RAB6A: variants seen among roughly 807,000 people sequenced by gnomAD.
RAB6A encodes ras-related protein Rab-6A.
In RAB6A, 8 loss-of-function variants were observed where a neutral mutation model predicts 32.3. That is an observed-to-expected ratio of 0.25 (90% CI 0.15 to 0.45). The LOEUF (loss-of-function observed/expected upper bound fraction) is 0.45, where lower values mean the gene tolerates loss of function less well. Among genes scored for constraint, RAB6A ranks in the 20% least tolerant of loss-of-function variants. RAB6A has a pLI of 1.00. For synonymous variants in RAB6A, 73 were observed against 82.1 expected, an observed-to-expected ratio of 0.89 and a Z score of 0.60; for missense variants, 104 against 249.4, an observed-to-expected ratio of 0.42 and a Z score of 3.93.
At chr11:73,717,455 T>C (rs1946068653) in intron 4 of RAB6A, among the ~76,000 whole-genome samples, 1 of 152,206 alleles carries the variant, frequency 6.6e-6, no homozygotes, top group South Asian at 2.1e-4. Context: ...TTGTTGTTGT[T>C]GTAGTTGAGA....
rs1945319899 is a variant in RAB6A, at chr11:73,679,513, G to GTAT, written c.562+140_562+141insATA. 5.2e-6 allele frequency: 5 copies of GTAT among 962,590 alleles called. No individual in the cohort carries two copies. In the South Asian group the frequency reaches 9.8e-5, roughly 19 times the overall value. The allele number at this position is 962,590 out of a possible 1,614,324, so 59.6% of individuals were successfully genotyped here. A position where few individuals can be genotyped will look rare whatever the true frequency, so the allele number is the denominator to read the frequency against. On this transcript the variant is annotated intron_variant, in intron 7 of 7. Coordinates refer to ENST00000336083, the MANE Select transcript of RAB6A (RefSeq NM_198896.2). ...GGATAACCAGACCTCATTTGCTATA[G>GTAT]AAAACAAATGAATTTCTATGCCTTT...
intron 6 of RAB6A, among the ~76,000 whole-genome samples, chr11:73,689,772 A>G (rs1945516366): frequency 6.6e-6 from 1 of 152,006 alleles, no homozygotes. Flanking sequence ...TATAAAACCA[A>G]GCTGTAACCC....
chr11:73,695,339 A>T (rs1384158391), intron 6 of RAB6A, among the ~76,000 whole-genome samples: 6 of 148,584 alleles, frequency 4.0e-5, no homozygotes, highest in Non-Finnish European at 6.0e-5. Flanking sequence ...TGTAATACTT[A>T]AAAAAAAATC....
intron 1 of RAB6A, among the ~76,000 whole-genome samples, chr11:73,748,589 G>C (rs780252365): frequency 6.6e-6 from 1 of 152,152 alleles, no homozygotes; most frequent in Non-Finnish European, 1.5e-5. Flanking sequence ...AAAAGATTAA[G>C]ATACGAGTTA....
chr11:73,699,208 T>G (rs1945703701), intron 6 of RAB6A, among the ~76,000 whole-genome samples: 1 of 151,806 alleles, frequency 6.6e-6, no homozygotes, highest in South Asian at 2.1e-4. Context: ...ATATGTGATA[T>G]CATTCAATTA....
intron 6 of RAB6A, among the ~76,000 whole-genome samples, chr11:73,705,491 T>C (rs540067330): frequency 2.6e-5 from 4 of 152,052 alleles, no homozygotes; most frequent in African/African-American, 4.8e-5. Context: ...GAGGTTGCAG[T>C]GAGCCGAGAT....
At chr11:73,707,181 G>A (rs921426276) in intron 6 of RAB6A, among the ~76,000 whole-genome samples, 1 of 151,060 alleles carries the variant, frequency 6.6e-6, no homozygotes, top group African/African-American at 2.4e-5. Context: ...TAGTAGGAAT[G>A]TAGTGACAAT....
intron 2 of RAB6A, among the ~76,000 whole-genome samples, chr11:73,726,735 G>C (rs140680699): frequency 0.021 from 3,146 of 150,190 alleles, 115 homozygotes; most frequent in African/African-American, 0.072. Flanking sequence ...GGGTGACAGA[G>C]TGAAACCCTG....
At chr11:73,752,582 C>A (rs920298181) in intron 1 of RAB6A, among the ~76,000 whole-genome samples, 1 of 152,068 alleles carries the variant, frequency 6.6e-6, no homozygotes, top group Non-Finnish European at 1.5e-5. Context: ...TCTGGGAGAC[C>A]GAGGCCAGGC....
chr11:73,698,212 C>T (rs1945684370), intron 6 of RAB6A, among the ~76,000 whole-genome samples: 1 of 151,890 alleles, frequency 6.6e-6, no homozygotes, highest in Non-Finnish European at 1.5e-5. Context: ...CAGAGTGAGA[C>T]TCTCAAAAAA....
At chr11:73,742,887 A>G (rs550048482) in intron 1 of RAB6A, among the ~76,000 whole-genome samples, 9 of 152,288 alleles carry the variant, frequency 5.9e-5, no homozygotes, top group Non-Finnish European at 1.3e-4. Flanking sequence ...AAATGCTAGG[A>G]AATAAGGAGG....
chr11:73,715,872 C>G (rs983779096), intron 5 of RAB6A, among the ~76,000 whole-genome samples: 1 of 152,048 alleles, frequency 6.6e-6, no homozygotes, highest in Non-Finnish European at 1.5e-5. Context: ...AAGAAGACTA[C>G]TAAGAAAAGA....
Position 73,760,620 on chromosome 11 carries a change from C to G in RAB6A, c.16G>C (p.Asp6His). The G allele has an allele frequency of 3.1e-6, 5 of 1,611,140 alleles. No homozygotes were observed. Among genetic ancestry groups the G allele is most frequent in the Non-Finnish European group, 4.2e-6 (5 of 1,178,792 alleles). Residue 6 changes from aspartate (D) to histidine (H), a missense_variant, in exon 1 of 8, where the codon GAC becomes CAC. Asp to His is a moderately conservative substitution (Grantham distance 81, BLOSUM62 -1). Around this residue, in one of 4 missense-constraint regions of RAB6A, gnomAD observed 48 missense variants for 155.2 expected, o/e 0.31. Transcript: ENST00000336083. MSTGG[D>H]FGNPLRKFKL... Reference sequence around the variant, plus strand: ...AATTTCCTCAGCGGATTCCCGAAGTCTCCGCCCGTGGACATTGTGGAACTA... The same window carrying G: ...AATTTCCTCAGCGGATTCCCGAAGTGTCCGCCCGTGGACATTGTGGAACTA...
At chr11:73,689,088 C>T (rs1046772161) in intron 6 of RAB6A, among the ~76,000 whole-genome samples, 2 of 151,738 alleles carry the variant, frequency 1.3e-5, no homozygotes, top group South Asian at 2.1e-4. Flanking sequence ...TGCCACTGCA[C>T]TCCAGCCTGG....
At chr11:73,728,075 TA>T (rs968204112) in intron 2 of RAB6A, among the ~76,000 whole-genome samples, 4 of 152,154 alleles carry the variant, frequency 2.6e-5, no homozygotes, top group Non-Finnish European at 4.4e-5. Flanking sequence ...GTAGTGGTAA[TA>T]AAAAAAATTT....
At chr11:73,727,319 A>T (rs2134965766) in intron 2 of RAB6A, among the ~76,000 whole-genome samples, 1 of 151,706 alleles carries the variant, frequency 6.6e-6, no homozygotes, top group South Asian at 2.1e-4. Flanking sequence ...CCAGCTACTT[A>T]GGAGGCTGAG....
intron 6 of RAB6A, among the ~76,000 whole-genome samples, chr11:73,680,572 A>C (rs1306084031): frequency 1.3e-5 from 2 of 152,046 alleles, no homozygotes; most frequent in African/African-American, 4.8e-5. Context: ...GAATCACTTG[A>C]ACCTGGGAGG....
intron 1 of RAB6A, among the ~76,000 whole-genome samples, chr11:73,757,263 CCTCCTGAGTAGCTGGGATTACAGG>C (rs1946776478): frequency 6.7e-6 from 1 of 148,802 alleles, no homozygotes; most frequent in Non-Finnish European, 1.5e-5. Flanking sequence ...CCTGCCTCAG[CCTCCTGAGTAGCTGGGATTACAGG>C]CTCCCACCCG....
chr11:73,750,557 A>T (rs1946657589), intron 1 of RAB6A, among the ~76,000 whole-genome samples: 1 of 152,012 alleles, frequency 6.6e-6, no homozygotes, highest in Admixed American at 6.6e-5. Flanking sequence ...GGGTTTCTCC[A>T]TGTTGGCCAA....
Sources: gnomAD v4.1 joint callset for allele counts (sites outside exome capture counted in the v4.1 genomes callset) on GRCh38, gnomAD v4.1.1 for gene constraint, gnomAD v4.1.1 regional missense constraint, MANE v1.5 for transcripts, NCBI Gene and HGNC (gene_info 2026-07-23, HGNC 2026-07-21) for gene names.